Variants in RIT2 observed in about 807,000 individuals in gnomAD.
RIT2 encodes the protein GTP-binding protein Rit2.
RIT2 carries 24 observed loss-of-function variants against 23.7 expected under a neutral mutation model. The ratio of observed to expected loss-of-function variants is 1.01; its 90% CI spans 0.73 to 1.43. The LOEUF is 1.43. Among genes scored for constraint, RIT2 ranks in the 40% most tolerant of loss-of-function variants. The probability of loss-of-function intolerance (pLI) is 0.00; values close to 1 mark genes in which losing one functional copy is unlikely to be tolerated. For missense variants in RIT2, 236 were observed against 266.9 expected (o/e 0.88, Z 0.81); for synonymous variants, 107 against 91.1 (o/e 1.17, Z -0.99).
intron 4 of RIT2, among the ~76,000 whole-genome samples, chr18:42,894,941 A>C (rs750814838): frequency 3.3e-5 from 5 of 152,246 alleles, no homozygotes; most frequent in Non-Finnish European, 5.9e-5. Flanking sequence ...TATGATGAAC[A>C]TAAATGCAGG....
Position 42,923,648 on chromosome 18 carries a change from A to C in RIT2, c.350T>G (p.Ile117Ser). 1.2e-6 allele frequency: 2 copies of C among 1,613,538 alleles called. No individual in the cohort carries two copies. Among genetic ancestry groups the C allele is most frequent in the Non-Finnish European group, 1.7e-6 (2 of 1,179,674 alleles). The change falls in exon 4 of 5, where the codon ATT becomes AGT. Residue 117 changes from isoleucine to serine, a missense_variant. Coordinates refer to ENST00000326695, the MANE Select transcript of RIT2 (RefSeq NM_002930.4). The stretch of plus-strand genomic sequence containing the variant: ...TTCATAGGTGTGGCGGACCTGAAAA[A>C]TGAGCTCTTTAAACTTGGCAGCCTC... ...FQEAAKFKELIFQVRHTYEIP... is the reference protein window; with the variant it reads ...FQEAAKFKELSFQVRHTYEIP...
chr18:42,844,875 C>T lies in RIT2; in HGVS notation c.426+78697G>A, dbSNP rs567201881. On this transcript the variant is annotated intron_variant, in intron 4 of 4. Coordinates refer to ENST00000326695, the MANE Select transcript of RIT2 (RefSeq NM_002930.4). ...GAATTTCTCTGCCTCCACCCTCTAT[C>T]AAAAGTAGTGACAGATACATAACAG... 9.2e-5 allele frequency among the ~76,000 whole-genome samples: 14 copies of T among 152,144 alleles called. No homozygotes were observed. The South Asian group carries it at 2.7e-3, about 29-fold the overall frequency.
chr18:42,840,119 A>C (rs1056557587), intron 4 of RIT2, among the ~76,000 whole-genome samples: 1 of 152,192 alleles, frequency 6.6e-6, no homozygotes, highest in Non-Finnish European at 1.5e-5. Flanking sequence ...AAAAACTCCA[A>C]TCAGGGCAGA....
In RIT2 at chr18:42,817,203, A is replaced by G. The variant is rs1906023839; in HGVS notation, c.427-73483T>C. ...CACTTTGGTAGACAGAACATCCACG[A>G]TTTAGTTGAAGCTAAATTGATTATT... On this transcript the variant is annotated intron_variant, in intron 4 of 4. Transcript: ENST00000326695. Among the ~76,000 whole-genome samples the G allele has an allele frequency of 2.6e-5, 4 of 152,282 alleles. No individual in the cohort carries two copies. In the South Asian group the frequency reaches 8.3e-4, roughly 32 times the overall value.
At chr18:43,031,931 T>C (rs918660284) in intron 2 of RIT2, among the ~76,000 whole-genome samples, 7 of 152,026 alleles carry the variant, frequency 4.6e-5, no homozygotes, top group Non-Finnish European at 8.8e-5. Flanking sequence ...GTCAGCCACA[T>C]TGAGTTACAG....
intron 2 of RIT2, among the ~76,000 whole-genome samples, chr18:43,023,587 A>T (rs1243171114): frequency 6.6e-6 from 1 of 152,084 alleles, no homozygotes; most frequent in South Asian, 2.1e-4. Flanking sequence ...ATAGATGAGG[A>T]AAGACCAGCA....
At chr18:42,913,677 A>C (rs958285243) in intron 4 of RIT2, among the ~76,000 whole-genome samples, 11 of 151,982 alleles carry the variant, frequency 7.2e-5, no homozygotes, top group South Asian at 2.1e-4. Context: ...GGGTTCATAG[A>C]AAGAGTAAAA....
intron 3 of RIT2, among the ~76,000 whole-genome samples, chr18:42,930,382 AT>A (rs1909297089): frequency 6.6e-6 from 1 of 152,092 alleles, no homozygotes; most frequent in Non-Finnish European, 1.5e-5. Context: ...ATAAAAAAAA[AT>A]GAAGAGAAAA....
At chr18:42,817,064 T>A (rs1906018661) in intron 4 of RIT2, among the ~76,000 whole-genome samples, 1 of 152,138 alleles carries the variant, frequency 6.6e-6, no homozygotes, top group Non-Finnish European at 1.5e-5. Flanking sequence ...AGATTTAGAT[T>A]GAAGTAAAAC....
chr18:43,062,802 A>C (rs1450719255), intron 1 of RIT2, among the ~76,000 whole-genome samples: 3 of 152,198 alleles, frequency 2.0e-5, no homozygotes, highest in African/African-American at 4.8e-5. Flanking sequence ...CATAATAAGA[A>C]AAGAGTAATT....
At chr18:43,091,825 T>C (rs1244477518) in intron 1 of RIT2, among the ~76,000 whole-genome samples, 1 of 152,072 alleles carries the variant, frequency 6.6e-6, no homozygotes, top group East Asian at 1.9e-4. Context: ...TTTCATCTGT[T>C]TTATTTAACC....
chr18:42,806,332 G>A (rs1393950928), intron 4 of RIT2, among the ~76,000 whole-genome samples: 2 of 151,536 alleles, frequency 1.3e-5, no homozygotes, highest in African/African-American at 4.8e-5. Flanking sequence ...AGCCAGGTGT[G>A]GTGGCACACA....
At chr18:42,762,658 G>A (rs1913328604) in intron 4 of RIT2, among the ~76,000 whole-genome samples, 1 of 152,062 alleles carries the variant, frequency 6.6e-6, no homozygotes, top group Admixed American at 6.6e-5. Flanking sequence ...TTATTTTTTA[G>A]TTGAACAACT....
At chr18:43,019,632 A>G (rs1911551213) in intron 2 of RIT2, among the ~76,000 whole-genome samples, 1 of 152,084 alleles carries the variant, frequency 6.6e-6, no homozygotes, top group African/African-American at 2.4e-5. Flanking sequence ...AGAATAATAC[A>G]AGGATGCCCA....
intron 3 of RIT2, among the ~76,000 whole-genome samples, chr18:42,962,001 A>AT (rs371529487): frequency 8.0e-4 from 121 of 152,194 alleles, no homozygotes; most frequent in African/African-American, 2.8e-3. Flanking sequence ...TGTTTTGCCT[A>AT]TTTTTTATTG....
At chr18:43,092,321 G>T (rs1913441644) in intron 1 of RIT2, among the ~76,000 whole-genome samples, 1 of 152,052 alleles carries the variant, frequency 6.6e-6, no homozygotes, top group Admixed American at 6.6e-5. Context: ...CAAAATCAAA[G>T]ATTTGTTTTT....
intron 4 of RIT2, among the ~76,000 whole-genome samples, chr18:42,909,427 C>G (rs1310096798): frequency 1.3e-5 from 2 of 152,032 alleles, no homozygotes; most frequent in Non-Finnish European, 2.9e-5. Context: ...AGAACATAAC[C>G]ATGTAATCAA....
chr18:43,079,218 G>T (rs750160765), intron 1 of RIT2, among the ~76,000 whole-genome samples: 14 of 152,108 alleles, frequency 9.2e-5, no homozygotes, highest in Admixed American at 1.3e-4. Flanking sequence ...CACAAAGCTT[G>T]TAAAACTTAT....
intron 3 of RIT2, among the ~76,000 whole-genome samples, chr18:42,969,160 C>T (rs139471013): frequency 3.7e-4 from 56 of 152,166 alleles, no homozygotes; most frequent in African/African-American, 1.3e-3. Flanking sequence ...GAGGAAATGT[C>T]CTAAACATCA....
Sources: gnomAD v4.1 joint callset for allele counts (sites outside exome capture counted in the v4.1 genomes callset) on GRCh38, gnomAD v4.1.1 for gene constraint, MANE v1.5 for transcripts, NCBI Gene and HGNC (gene_info 2026-07-23, HGNC 2026-07-21) for gene names.